ABCC1: variants seen among roughly 807,000 people sequenced by gnomAD.
ABCC1 encodes the protein multidrug resistance-associated protein 1.
In ABCC1, 83 loss-of-function variants were observed where a neutral mutation model predicts 172.9. The observed-to-expected ratio is 0.48, with a 90% CI of 0.40 to 0.58. The LOEUF (loss-of-function observed/expected upper bound fraction) is 0.58, where lower values mean the gene tolerates loss of function less well. Ranked by LOEUF, ABCC1 falls within the 20% of genes least tolerant of loss-of-function variation. The probability of loss-of-function intolerance (pLI) is 0.00; values close to 1 mark genes in which losing one functional copy is unlikely to be tolerated. For synonymous variants in ABCC1, 937 were observed against 825.2 expected, an observed-to-expected ratio of 1.14 and a Z score of -2.32; for missense variants, 1,817 against 2,002.7, an observed-to-expected ratio of 0.91 and a Z score of 1.77.
At chr16:15,971,799 T>G (rs1222832891) in intron 1 of ABCC1, among the ~76,000 whole-genome samples, 1 of 152,104 alleles carries the variant, frequency 6.6e-6, no homozygotes, top group Admixed American at 6.6e-5. Flanking sequence ...ATGATACGGC[T>G]CCGATGAGTG....
rs146167782 is a variant in ABCC1, at chr16:16,007,288, C to T, written c.49-528C>T. Among the ~76,000 whole-genome samples, 269 of 151,274 alleles carry T rather than the reference C, an allele frequency of 1.8e-3. 2 individuals are homozygous for T. The South Asian group carries it at 0.038, about 21-fold the overall frequency. ...TGTTGCCCAGGGTGTAGTACAGTGGCATGATCTCAGCTCGTTGCAACTTCC... is the reference window on the plus strand; with the variant it reads ...TGTTGCCCAGGGTGTAGTACAGTGGTATGATCTCAGCTCGTTGCAACTTCC... On this transcript the variant is annotated intron_variant, in intron 1 of 30. Transcript: ENST00000399410.
At chr16:16,103,917 T>G (rs536414826) in intron 20 of ABCC1, among the ~76,000 whole-genome samples, 4 of 152,066 alleles carry the variant, frequency 2.6e-5, no homozygotes, top group African/African-American at 7.2e-5. Context: ...ACGTCTGGGG[T>G]TTGTTCCTTC....
In ABCC1 at chr16:16,052,811, T is replaced by C. The variant is rs200721867; in HGVS notation, c.1468T>C (p.Tyr490His). The C allele has an allele frequency of 3.5e-5, 57 of 1,614,114 alleles. No individual in the cohort carries two copies. The East Asian group carries it at 1.2e-3, about 35-fold the overall frequency. The change falls in exon 11 of 31, where the codon TAT (tyrosine) becomes CAT (histidine). Residue 490 changes from tyrosine (Y) to histidine (H), a missense_variant. Around this residue, in one of 3 missense-constraint regions of ABCC1, gnomAD observed 1,412 missense variants for 1,600.3 expected, o/e 0.88. Coordinates refer to ENST00000399410, the MANE Select transcript of ABCC1 (RefSeq NM_004996.4). ...NAVMAMKTKT[Y>H]QVAHMKSKDN... ...TGTGATGGCGATGAAGACCAAGACGTATCAGGTAAGGCATGTGTCTCTGCG... is the reference window on the plus strand; with the variant it reads ...TGTGATGGCGATGAAGACCAAGACGCATCAGGTAAGGCATGTGTCTCTGCG...
intron 5 of ABCC1, among the ~76,000 whole-genome samples, chr16:16,025,023 A>G (rs752439816): frequency 6.6e-6 from 1 of 152,138 alleles, no homozygotes; most frequent in Non-Finnish European, 1.5e-5. Flanking sequence ...CAAAGAAAAC[A>G]GACAAGTTGA....
intron 1 of ABCC1, among the ~76,000 whole-genome samples, chr16:15,988,449 C>T (rs1208149017): frequency 6.6e-6 from 1 of 152,136 alleles, no homozygotes; most frequent in Non-Finnish European, 1.5e-5. Flanking sequence ...CTGCAGTGTC[C>T]CCAGACATAT....
chr16:16,037,866 G>A (rs2048816896), intron 7 of ABCC1, among the ~76,000 whole-genome samples: 1 of 152,202 alleles, frequency 6.6e-6, no homozygotes, highest in Admixed American at 6.5e-5. Flanking sequence ...CCGGTCGGAG[G>A]CTGTTTGGGT....
At chr16:16,111,791 C>G (rs549783139) in intron 22 of ABCC1, among the ~76,000 whole-genome samples, 1 of 152,006 alleles carries the variant, frequency 6.6e-6, no homozygotes, top group Non-Finnish European at 1.5e-5. Context: ...TGGTGGTAGA[C>G]GGGAGGAGTG....
intron 1 of ABCC1, among the ~76,000 whole-genome samples, chr16:15,967,665 G>A (rs1348671564): frequency 6.6e-6 from 1 of 150,586 alleles, no homozygotes; most frequent in African/African-American, 2.4e-5. Flanking sequence ...GGAGGCTGAG[G>A]CGGGAGGTTT....
rs1421331644 is a variant in ABCC1 at position 16,122,101 on chromosome 16, C to T, written c.3517C>T (p.Arg1173Cys). 2.5e-6 allele frequency: 4 copies of T among 1,614,170 alleles called. No homozygotes were observed. Among genetic ancestry groups the T allele is most frequent in the East Asian group, 2.2e-5 (1 of 44,878 alleles). ...CATTCGAGCCTTCGAGGAGCAGGAG[C>T]GCTTCATCCACCAGAGTGACCTGAA... ...SVIRAFEEQE[R>C]FIHQSDLKVD... Residue 1173 changes from arginine (R) to cysteine (C), a missense_variant, in exon 24 of 31, where the codon CGC (arginine) becomes TGC (cysteine). Physicochemically the swap from Arg to Cys is radical, Grantham distance 180. This residue lies in a region of ABCC1 where 1,412 missense variants were observed against 1,600.3 expected (regional missense o/e 0.88). Coordinates refer to ENST00000399410, the MANE Select transcript of ABCC1 (RefSeq NM_004996.4).
At chr16:15,968,785 C>T (rs1007828819) in intron 1 of ABCC1, among the ~76,000 whole-genome samples, 3 of 152,070 alleles carry the variant, frequency 2.0e-5, no homozygotes, top group African/African-American at 4.8e-5. Context: ...TGCAGGGGCA[C>T]GATCATGGCC....
chr16:16,086,693 C>T (rs62032009), intron 17 of ABCC1, 131 bp from the exon 18 acceptor site: 1 of 937,144 alleles, frequency 1.1e-6, no homozygotes, highest in Non-Finnish European at 1.6e-6. Context: ...GGTCTCAAAC[C>T]CCTGGTCTCA....
intron 1 of ABCC1, among the ~76,000 whole-genome samples, chr16:15,958,400 G>T (rs576817768): frequency 6.6e-6 from 1 of 152,270 alleles, no homozygotes; most frequent in South Asian, 2.1e-4. Context: ...ATGAGCCACC[G>T]TGCCTGGCCT....
intron 5 of ABCC1, among the ~76,000 whole-genome samples, chr16:16,024,758 T>TC (rs1231321599): frequency 6.6e-6 from 1 of 152,070 alleles, no homozygotes; most frequent in Non-Finnish European, 1.5e-5. Flanking sequence ...ATCCTCAGGC[T>TC]CAAAGGAAGA....
chr16:16,113,729 T>C (rs2044726168), intron 22 of ABCC1, among the ~76,000 whole-genome samples: 1 of 152,168 alleles, frequency 6.6e-6, no homozygotes, highest in African/African-American at 2.4e-5. Context: ...AGCCATCATT[T>C]CAGAAAATTA....
intron 15 of ABCC1, among the ~76,000 whole-genome samples, chr16:16,079,136 C>T (rs572359478): frequency 4.7e-4 from 72 of 152,338 alleles, no homozygotes; most frequent in Non-Finnish European, 9.0e-4. Flanking sequence ...GGACACCTGT[C>T]ACCTGCCTCC....
intron 12 of ABCC1, among the ~76,000 whole-genome samples, chr16:16,056,799 G>A (rs984607523): frequency 6.7e-6 from 1 of 149,214 alleles, no homozygotes; most frequent in East Asian, 2.0e-4. Flanking sequence ...TGTAGGAACC[G>A]TTCGTTATCT....
chr16:16,105,328 T>C (rs1163548427), intron 20 of ABCC1: 1 of 152,334 alleles, frequency 6.6e-6, no homozygotes, highest in African/African-American at 2.4e-5. Flanking sequence ...CCCATTTGAA[T>C]TCTAGATTCC....
chr16:16,081,933 C>A lies in ABCC1; in HGVS notation c.2116-1433C>A, dbSNP rs1164699022. 2.6e-5 allele frequency among the ~76,000 whole-genome samples: 4 copies of A among 152,106 alleles called. No homozygotes were observed. The East Asian group carries it at 7.7e-4, about 29-fold the overall frequency. On this transcript the variant is annotated intron_variant, in intron 16 of 30. Coordinates refer to ENST00000399410, the MANE Select transcript of ABCC1 (RefSeq NM_004996.4). Reference sequence around the variant, plus strand: ...ACTCAGGAGGCTGAGGAAGGAGAATCCCTTGAGCCCGGAGGCAGAGACTGC... The same window carrying A: ...ACTCAGGAGGCTGAGGAAGGAGAATACCTTGAGCCCGGAGGCAGAGACTGC...
At chr16:16,087,058 C>T in intron 18 of ABCC1, 67 bp downstream of exon 18, 1 of 1,551,694 alleles carries the variant, frequency 6.4e-7, no homozygotes, top group Non-Finnish European at 8.8e-7. Context: ...AGAACGTGTC[C>T]CCTTTAGGAG....
Sources: gnomAD v4.1 joint callset for allele counts (sites outside exome capture counted in the v4.1 genomes callset) on GRCh38, gnomAD v4.1.1 for gene constraint, gnomAD v4.1.1 regional missense constraint, MANE v1.5 for transcripts, NCBI Gene and HGNC (gene_info 2026-07-23, HGNC 2026-07-21) for gene names.